VWDE: variants seen among roughly 807,000 people sequenced by gnomAD.
VWDE encodes the protein von Willebrand factor D and EGF domain-containing protein.
A neutral mutation model predicts 178.4 loss-of-function variants in VWDE; 207 were observed. The observed-to-expected ratio is 1.16, with a 90% CI of 1.04 to 1.30. VWDE has a LOEUF of 1.30. VWDE is among the 50% of genes most tolerant of loss of function. The probability of loss-of-function intolerance (pLI) is 0.00; values close to 1 mark genes in which losing one functional copy is unlikely to be tolerated. For missense variants in VWDE, 2,287 were observed against 1,901.3 expected (o/e 1.20, Z -3.77); for synonymous variants, 738 against 651.4 (o/e 1.13, Z -2.02).
At chr7:12,348,200 C>T (rs533783450) in intron 19 of VWDE, among the ~76,000 whole-genome samples, 1 of 80,416 alleles carries the variant, frequency 1.2e-5, no homozygotes, top group Non-Finnish European at 2.2e-5. Context: ...AAAGCAATGG[C>T]AACACAAAGC....
At chr7:12,387,771 T>C (rs901331830) in intron 3 of VWDE, among the ~76,000 whole-genome samples, 2 of 152,130 alleles carry the variant, frequency 1.3e-5, no homozygotes, top group Non-Finnish European at 2.9e-5. Context: ...TCATTGTTGC[T>C]CAATCAAGTG....
At chr7:12,362,128 T>C (rs1242704290) in intron 13 of VWDE, among the ~76,000 whole-genome samples, 4 of 151,858 alleles carry the variant, frequency 2.6e-5, no homozygotes, top group Non-Finnish European at 4.4e-5. Flanking sequence ...TATGGAGTGG[T>C]TGGTGGCCAT....
At chr7:12,389,872 A>G (rs1784299466) in intron 2 of VWDE, among the ~76,000 whole-genome samples, 1 of 152,220 alleles carries the variant, frequency 6.6e-6, no homozygotes, top group African/African-American at 2.4e-5. Context: ...GTTAGAAATA[A>G]TACAGTTTGG....
At chr7:12,382,839 T>C (rs183105243) in intron 4 of VWDE, among the ~76,000 whole-genome samples, 1 of 152,072 alleles carries the variant, frequency 6.6e-6, no homozygotes, top group East Asian at 1.9e-4. Flanking sequence ...CTTAGAGTAA[T>C]TTATTTTAAG....
chr7:12,349,884 T>G lies in VWDE; in HGVS notation c.3886+1689A>C, dbSNP rs1466676682. On this transcript the variant is annotated intron_variant, in intron 19 of 28. Transcript: ENST00000275358. ...TTTTAAATTATACAAGAATACTACA[T>G]GTAATTGTATACAAGAATTTGAAAT... Among the ~76,000 whole-genome samples, 3 of 152,194 alleles carry G rather than the reference T, an allele frequency of 2.0e-5. No individual in the cohort carries two copies. The East Asian group carries it at 5.8e-4, about 29-fold the overall frequency.
At chr7:12,349,612 A>G (rs1240759692) in intron 19 of VWDE, among the ~76,000 whole-genome samples, 1 of 151,892 alleles carries the variant, frequency 6.6e-6, no homozygotes, top group Admixed American at 6.6e-5. Flanking sequence ...TATTATGTAT[A>G]GGATCAGAAT....
At chr7:12,355,934 A>T (rs1782217822) in intron 18 of VWDE, among the ~76,000 whole-genome samples, 177 bp downstream of exon 18, 1 of 152,214 alleles carries the variant, frequency 6.6e-6, no homozygotes, top group South Asian at 2.1e-4. Flanking sequence ...TAGTGCATGG[A>T]ACTTGCAATT....
intron 5 of VWDE, among the ~76,000 whole-genome samples, chr7:12,379,816 C>A (rs187279232): frequency 6.6e-6 from 1 of 151,970 alleles, no homozygotes; most frequent in African/African-American, 2.4e-5. Context: ...TACTTAAGGC[C>A]GGGTGCGGTG....
chr7:12,397,809 A>T (rs1277676513), intron 1 of VWDE, among the ~76,000 whole-genome samples: 1 of 152,190 alleles, frequency 6.6e-6, no homozygotes, highest in East Asian at 1.9e-4. Context: ...ACATGAGAAA[A>T]TGCTCAACAT....
At chr7:12,378,627 A>T (rs1045370849) in intron 6 of VWDE, among the ~76,000 whole-genome samples, 9 of 152,112 alleles carry the variant, frequency 5.9e-5, no homozygotes, top group Admixed American at 5.9e-4. Context: ...GACCCCTGAC[A>T]CTGTCTGCTG....
chr7:12,380,420 GTT>G, intron 5 of VWDE, 64 bp downstream of exon 5: 1 of 1,508,228 alleles, frequency 6.6e-7, no homozygotes, highest in East Asian at 2.5e-5. Flanking sequence ...TGGATATGAT[GTT>G]TAAAAATCGT....
chr7:12,403,705 T>C lies in VWDE; in HGVS notation c.12A>G (p.Gly4=). The change falls in exon 1 of 29, where the codon GGA becomes GGG. Residue 4 remains glycine, a synonymous_variant. Transcript: ENST00000275358. MPG[G]ACVLVIALMF... The stretch of plus-strand genomic sequence containing the variant: ...TCAGCGCGATCACCAGCACGCAGGC[T>C]CCGCCAGGCATCGCTGCTTCCGCAG... The C allele has an allele frequency of 6.5e-7, 1 of 1,549,692 alleles. No individual in the cohort carries two copies. Among genetic ancestry groups the C allele is most frequent in the South Asian group, 1.2e-5 (1 of 84,028 alleles).
chr7:12,344,191 T>A lies in VWDE; in HGVS notation c.4078+4A>T. 1.3e-6 allele frequency: 2 copies of A among 1,550,066 alleles called. No homozygotes were observed. The highest frequency in any genetic ancestry group is 1.2e-5 in the South Asian group (1 of 83,910). ...TATATTTGATTTTTAATTTGAATTA[T>A]CACCTTCATCACAGGTTGCTCCACC... On this transcript the variant is annotated splice_donor_region_variant and intron_variant, in intron 21 of 28. Transcript: ENST00000275358.
At chr7:12,345,390 A>C (rs1472170598) in intron 19 of VWDE, among the ~76,000 whole-genome samples, 2 of 152,132 alleles carry the variant, frequency 1.3e-5, no homozygotes, top group Non-Finnish European at 2.9e-5. Context: ...GTTTCATACT[A>C]CCTCTGCAAT....
chr7:12,352,314 A>G (rs1449616913), intron 18 of VWDE, among the ~76,000 whole-genome samples: 2 of 152,230 alleles, frequency 1.3e-5, no homozygotes, highest in African/African-American at 4.8e-5. Flanking sequence ...GTGCCCCACT[A>G]GTTAGCAATA....
intron 23 of VWDE, among the ~76,000 whole-genome samples, chr7:12,341,226 G>A (rs1374437759): frequency 6.6e-6 from 1 of 152,128 alleles, no homozygotes; most frequent in Admixed American, 6.6e-5. Flanking sequence ...TTTGCATCAT[G>A]CTTCACAAAT....
At chr7:12,347,041 T>G (rs1429705136) in intron 19 of VWDE, among the ~76,000 whole-genome samples, 2 of 151,786 alleles carry the variant, frequency 1.3e-5, no homozygotes, top group Non-Finnish European at 2.9e-5. Flanking sequence ...GAAACAAGAG[T>G]GCACCAAATA....
intron 19 of VWDE, among the ~76,000 whole-genome samples, 190 bp downstream of exon 19, chr7:12,351,382 AT>A (rs555476070): frequency 5.9e-5 from 9 of 152,258 alleles, no homozygotes; most frequent in Admixed American, 5.9e-4. Flanking sequence ...ACATAAACGC[AT>A]TTTTTCTAAA....
intron 24 of VWDE, among the ~76,000 whole-genome samples, chr7:12,338,005 T>C (rs1025419168): frequency 1.3e-5 from 2 of 152,124 alleles, no homozygotes; most frequent in Non-Finnish European, 2.9e-5. Flanking sequence ...AAATTTAAAA[T>C]TTAATTTCTT....
Sources: allele counts gnomAD v4.1 joint callset (sites outside exome capture counted in the v4.1 genomes callset), GRCh38; gene constraint gnomAD v4.1.1; transcripts MANE v1.5; gene names NCBI Gene and HGNC (gene_info 2026-07-23, HGNC 2026-07-21).